Variants in CHST9 observed in about 807,000 individuals in gnomAD.
CHST9 encodes carbohydrate sulfotransferase 9.
Under a neutral mutation model 44.4 loss-of-function variants are expected in CHST9, and 41 were observed. That is an observed-to-expected ratio of 0.92 (90% CI 0.72 to 1.20). The LOEUF is 1.20. CHST9 is among the 50% of genes most tolerant of loss of function. The pLI is 0.00. For missense variants in CHST9, 504 were observed against 516.5 expected (o/e 0.98, Z 0.23); for synonymous variants, 171 against 178.4 (o/e 0.96, Z 0.33).
At chr18:26,952,896 T>C (rs1037512930) in intron 4 of CHST9, among the ~76,000 whole-genome samples, 15 of 152,138 alleles carry the variant, frequency 9.9e-5, no homozygotes, top group African/African-American at 3.6e-4. Context: ...AGAGTTATGG[T>C]TAGCAAGCTG....
chr18:26,932,029 C>T (rs1398782709), intron 5 of CHST9, among the ~76,000 whole-genome samples: 2 of 152,034 alleles, frequency 1.3e-5, no homozygotes, highest in Non-Finnish European at 2.9e-5. Context: ...GAATACAATC[C>T]TTTGTACCGA....
At position 26,982,339 on chromosome 18, in the gene CHST9, CTTTTTTTT is replaced by C. The variant is rs34211889; in HGVS notation, c.203-37981_203-37974del. Among the ~76,000 whole-genome samples the C allele has an allele frequency of 6.6e-3, 877 of 133,742 alleles. 10 individuals carry two copies. Among genetic ancestry groups the C allele is most frequent in the African/African-American group, 0.023 (830 of 35,814 alleles). The allele number at this position is 133,742 out of a possible 152,430, so 87.7% of individuals were successfully genotyped here. On this transcript the variant is annotated intron_variant, in intron 4 of 5. Coordinates refer to ENST00000618847, the MANE Select transcript of CHST9 (RefSeq NM_031422.6). ...TTTATCAAAGCTAAACTCCTTTTAC[CTTTTTTTT>C]TTTTTTTTGCCCTCTGCTTTGCAAG... is the stretch of plus-strand genomic sequence containing the variant.
intron 2 of CHST9, among the ~76,000 whole-genome samples, chr18:27,059,639 G>T (rs1365991122): frequency 6.6e-6 from 1 of 152,156 alleles, no homozygotes; most frequent in African/African-American, 2.4e-5. Flanking sequence ...TCATCTGGGG[G>T]AAACAAGGAC....
intron 4 of CHST9, among the ~76,000 whole-genome samples, chr18:26,999,704 C>T (rs529816465): frequency 6.6e-6 from 1 of 152,120 alleles, no homozygotes; most frequent in South Asian, 2.1e-4. Context: ...TTCTCTTTAA[C>T]TTTCTAAATT....
Position 27,142,769 on chromosome 18 carries a change from A to G in CHST9, c.41T>C (p.Phe14Ser). 6.2e-7 allele frequency: 1 copy of G among 1,611,866 alleles called. No homozygotes were observed. The highest frequency in any genetic ancestry group is 8.5e-7 in the Non-Finnish European group (1 of 1,178,898). The change falls in exon 2 of 6, where the codon TTC (phenylalanine) becomes TCC (serine). Residue 14 changes from phenylalanine (F) to serine (S), a missense_variant. Transcript: ENST00000618847. Reference protein sequence around the residue: ...SEMVMNPKQVFLSVLIFGVAG... With the variant: ...SEMVMNPKQVSLSVLIFGVAG... ...TACTCCAAATATCAGCACAGAGAGG[A>G]AGACTTGTTTGGGGTTCATGACCAT...
chr18:27,136,690 A>G (rs2058515635), intron 2 of CHST9, among the ~76,000 whole-genome samples: 1 of 152,248 alleles, frequency 6.6e-6, no homozygotes, highest in African/African-American at 2.4e-5. Flanking sequence ...CTGCTAAACT[A>G]TAACGCTTCC....
In CHST9 at chr18:26,910,572, G is replaced by C. The variant is rs395574; in HGVS notation, c.*5687C>G. The C allele has an allele frequency of 6.6e-6, 1 of 152,282 alleles. No homozygotes were observed. The highest frequency in any genetic ancestry group is 2.4e-5 in the African/African-American group (1 of 41,556). The allele number at this position is 152,282 out of a possible 1,614,324, so 9.4% of individuals were successfully genotyped here. A position where few individuals can be genotyped will look rare whatever the true frequency, so the allele number is the denominator to read the frequency against. On this transcript the variant is annotated 3_prime_UTR_variant, in exon 6 of 6. Transcript: ENST00000618847. Reference sequence around the variant, plus strand: ...CCAACTATTTTCAGGTGGGCATATAGAATGTAGGGTAACAAATCCCCTGTC... The same window carrying C: ...CCAACTATTTTCAGGTGGGCATATACAATGTAGGGTAACAAATCCCCTGTC...
chr18:27,019,978 T>C (rs2057204425), intron 4 of CHST9, among the ~76,000 whole-genome samples: 1 of 152,292 alleles, frequency 6.6e-6, no homozygotes, highest in Middle Eastern at 3.4e-3. Flanking sequence ...AATGAATAGA[T>C]GCTTGTCTTT....
intron 3 of CHST9, among the ~76,000 whole-genome samples, chr18:27,038,996 G>T (rs2057417951): frequency 1.3e-5 from 2 of 151,972 alleles, no homozygotes; most frequent in South Asian, 2.1e-4. Flanking sequence ...ATTTTTATTG[G>T]ATATTGCTGA....
At chr18:27,127,840 C>T (rs898416743) in intron 2 of CHST9, among the ~76,000 whole-genome samples, 1 of 152,028 alleles carries the variant, frequency 6.6e-6, no homozygotes, top group Admixed American at 6.6e-5. Context: ...GGGAGCCAGG[C>T]ATGAAGGTGG....
intron 3 of CHST9, among the ~76,000 whole-genome samples, chr18:27,031,922 C>T (rs922606902): frequency 6.6e-6 from 1 of 152,212 alleles, no homozygotes; most frequent in Non-Finnish European, 1.5e-5. Context: ...CCAGGCCAAG[C>T]CCTTTATATA....
chr18:27,055,953 T>TGC (rs1245372896), intron 2 of CHST9, among the ~76,000 whole-genome samples: 1 of 149,758 alleles, frequency 6.7e-6, no homozygotes, highest in Non-Finnish European at 1.5e-5. Context: ...TGTGTGTGTG[T>TGC]GTGTGTGTGT....
At position 26,912,891 on chromosome 18, in the gene CHST9, T is replaced by G. The variant is rs1230465501; in HGVS notation, c.*3368A>C. On this transcript the variant is annotated 3_prime_UTR_variant, in exon 6 of 6. Coordinates refer to ENST00000618847, the MANE Select transcript of CHST9 (RefSeq NM_031422.6). ...AGGTTCTCAGGTAGTTGAGCTATAA[T>G]TAAACGCCTTTGGCCAATCCTTTTT... 6.6e-6 allele frequency: 1 copy of G among 152,228 alleles called. No homozygotes were observed. The highest frequency in any genetic ancestry group is 2.4e-5 in the African/African-American group (1 of 41,458). 9.4% of individuals were successfully genotyped at this position (152,228 alleles called of 1,614,324 possible).
chr18:27,029,801 C>T (rs769349932), intron 3 of CHST9, among the ~76,000 whole-genome samples: 17 of 152,136 alleles, frequency 1.1e-4, no homozygotes, highest in East Asian at 5.8e-4. Flanking sequence ...TTTAAATCCA[C>T]GTATGATGGT....
intron 1 of CHST9, among the ~76,000 whole-genome samples, chr18:27,183,150 T>C (rs2058927147): frequency 6.6e-6 from 1 of 152,132 alleles, no homozygotes; most frequent in Non-Finnish European, 1.5e-5. Flanking sequence ...AGATTTTTAC[T>C]GGAGTATACA....
At chr18:26,945,962 A>G (rs1490224290) in intron 4 of CHST9, among the ~76,000 whole-genome samples, 2 of 152,200 alleles carry the variant, frequency 1.3e-5, no homozygotes, top group African/African-American at 2.4e-5. Context: ...TATGAGATAC[A>G]GTAGAAGTGT....
chr18:26,956,619 C>T (rs2056329775), intron 4 of CHST9, among the ~76,000 whole-genome samples: 1 of 151,706 alleles, frequency 6.6e-6, no homozygotes, highest in Non-Finnish European at 1.5e-5. Flanking sequence ...ATTCTCTGGC[C>T]TATGCAAGAA....
At chr18:26,950,857 A>C (rs1023644360) in intron 4 of CHST9, among the ~76,000 whole-genome samples, 6 of 152,210 alleles carry the variant, frequency 3.9e-5, no homozygotes, top group East Asian at 1.9e-4. Flanking sequence ...CCTGTTCTGC[A>C]AAAATTATTG....
chr18:27,097,022 C>T (rs971432542), intron 2 of CHST9, among the ~76,000 whole-genome samples: 5 of 152,020 alleles, frequency 3.3e-5, no homozygotes, highest in Non-Finnish European at 7.4e-5. Context: ...ATGCAAAAAT[C>T]CTCAACTAAA....
Sources: allele counts gnomAD v4.1 joint callset (sites outside exome capture counted in the v4.1 genomes callset), GRCh38; gene constraint gnomAD v4.1.1; transcripts MANE v1.5; gene names NCBI Gene and HGNC (gene_info 2026-07-23, HGNC 2026-07-21).